Variants in BBS7 observed in about 807,000 individuals in gnomAD.
BBS7 encodes the protein BBSome complex member BBS7.
BBS7 carries 50 observed loss-of-function variants against 90.3 expected under a neutral mutation model. The observed-to-expected ratio is 0.55, with a 90% CI of 0.44 to 0.70. The LOEUF is 0.70. Among genes scored for constraint, BBS7 ranks in the 30% least tolerant of loss-of-function variants. The pLI is 0.00. For missense variants in BBS7, 729 were observed against 838.9 expected, an observed-to-expected ratio of 0.87 and a Z score of 1.62; for synonymous variants, 235 against 287.4, an observed-to-expected ratio of 0.82 and a Z score of 1.85.
chr4:121,858,338 A>T (rs1200389548), intron 5 of BBS7, among the ~76,000 whole-genome samples: 2 of 150,836 alleles, frequency 1.3e-5, no homozygotes, highest in African/African-American at 4.9e-5. Context: ...CATGCTATTT[A>T]CCTTTAAACA....
intron 11 of BBS7, among the ~76,000 whole-genome samples, 174 bp downstream of exon 11, chr4:121,845,330 T>C (rs780870068): frequency 2.0e-5 from 3 of 151,736 alleles, no homozygotes; most frequent in Non-Finnish European, 2.9e-5. Context: ...ATCGCACCAC[T>C]GCACTCCAGT....
intron 12 of BBS7, among the ~76,000 whole-genome samples, chr4:121,840,800 C>T (rs1444171085): frequency 6.6e-6 from 1 of 151,232 alleles, no homozygotes. Context: ...ATCATTTAAA[C>T]TCAACAGAGA....
At position 121,839,650 on chromosome 4, in the gene BBS7, G is replaced by A. The variant is rs1363452321; in HGVS notation, c.1352C>T (p.Thr451Ile). 6.2e-7 allele frequency: 1 copy of A among 1,613,666 alleles called. No individual in the cohort carries two copies. Among genetic ancestry groups the A allele is most frequent in the Admixed American group, 1.7e-5 (1 of 60,002 alleles). The part of the protein sequence containing the change: ...LLATYRCQAD[T>I]TRLELKIRSI... ...TTTTACCTTGAGTTCCAGCCTTGTAGTATCTGCCTGGCACCGATAAGTGGC... is the reference window on the plus strand; with the variant it reads ...TTTTACCTTGAGTTCCAGCCTTGTAATATCTGCCTGGCACCGATAAGTGGC... Residue 451 changes from threonine (T) to isoleucine (I), a missense_variant, in exon 13 of 19, where the codon ACT becomes ATT. Physicochemically the swap from Thr to Ile is moderately conservative, Grantham distance 89. Transcript: ENST00000264499.
chr4:121,855,368 T>C, intron 6 of BBS7, 121 bp downstream of exon 6: 2 of 933,832 alleles, frequency 2.1e-6, no homozygotes, highest in Non-Finnish European at 3.5e-6. Context: ...TGCTGTTAGT[T>C]ACTGGCAAGT....
intron 11 of BBS7, among the ~76,000 whole-genome samples, chr4:121,844,616 T>C (rs1233775840): frequency 6.6e-6 from 1 of 152,200 alleles, no homozygotes; most frequent in Non-Finnish European, 1.5e-5. Flanking sequence ...CATTTTGTGA[T>C]TGGTTTACTA....
chr4:121,868,780 T>C (rs1364613032), intron 1 of BBS7, among the ~76,000 whole-genome samples: 1 of 148,996 alleles, frequency 6.7e-6, no homozygotes, highest in African/African-American at 2.5e-5. Flanking sequence ...CAGGTGAAGA[T>C]TATTTTACAA....
In BBS7 at chr4:121,861,662, T is replaced by G. The variant is rs1726986364; in HGVS notation, c.183A>C (p.Leu61Phe). 1 of 1,613,704 alleles carries G rather than the reference T, an allele frequency of 6.2e-7. No individual in the cohort carries two copies. Among genetic ancestry groups the G allele is most frequent in the Non-Finnish European group, 8.5e-7 (1 of 1,179,762 alleles). ...CCAGCCTTGCAATCTTCGGCCCGGG[T>G]AAAGTCTTGAACACTGCCTGAAAAA... ...KGEAAAVFKTLPGPKIARLEL... is the reference protein window; with the variant it reads ...KGEAAAVFKTFPGPKIARLEL... The change falls in exon 4 of 19, where the codon TTA (leucine) becomes TTC (phenylalanine). Residue 61 changes from leucine to phenylalanine, a missense_variant. Physicochemically the swap from Leu to Phe is conservative, Grantham distance 22 (BLOSUM62 0). Coordinates refer to ENST00000264499, the MANE Select transcript of BBS7 (RefSeq NM_176824.3).
intron 2 of BBS7, among the ~76,000 whole-genome samples, chr4:121,866,795 T>G (rs1285124716): frequency 1.3e-5 from 2 of 152,226 alleles, no homozygotes; most frequent in African/African-American, 4.8e-5. Flanking sequence ...TGTGTCTCTG[T>G]GTTTTTATGC....
At position 121,825,650 on chromosome 4, in the gene BBS7, T is replaced by A. The variant is rs1406280986; in HGVS notation, c.*210A>T. 1.1e-5 allele frequency: 5 copies of A among 459,836 alleles called. No individual in the cohort carries two copies. Among genetic ancestry groups the A allele is most frequent in the Non-Finnish European group, 1.9e-5 (5 of 268,490 alleles). The allele number at this position is 459,836 out of a possible 1,614,324, so 28.5% of individuals were successfully genotyped here. A position where few individuals can be genotyped will look rare whatever the true frequency, so the allele number is the denominator to read the frequency against. On this transcript the variant is annotated 3_prime_UTR_variant, in exon 19 of 19. Transcript: ENST00000264499. ...TCCTATTTAAATCATTCTACTTGTG[T>A]TTTAAAAATAAAAAGACTCTTTTAG...
At chr4:121,845,728 A>AT (rs1560652035) in intron 10 of BBS7, 32 bp from the exon 11 acceptor site, 1 of 1,567,346 alleles carries the variant, frequency 6.4e-7, no homozygotes, top group Non-Finnish European at 8.8e-7. Context: ...TTTGTCAAAT[A>AT]TAAGTATAAA....
Position 121,843,986 on chromosome 4 carries a change from C to T in BBS7, c.1246G>A (p.Asp416Asn). 1 of 1,596,446 alleles carries T rather than the reference C, an allele frequency of 6.3e-7. No individual in the cohort carries two copies. Among genetic ancestry groups the T allele is most frequent in the Non-Finnish European group, 8.6e-7 (1 of 1,167,864 alleles). ...GAATTTTTATCCACATCAAGTAAAT[C>T]TATTGGAACATCACTCTATAGTCAA... Reference protein sequence around the residue: ...NVLIQSDVPIDLLDVDKNSAV... With the variant: ...NVLIQSDVPINLLDVDKNSAV... Residue 416 changes from aspartate (D) to asparagine (N), a missense_variant, in exon 12 of 19, where the codon GAT becomes AAT. Transcript: ENST00000264499.
chr4:121,843,392 G>A (rs1052144788), intron 12 of BBS7, among the ~76,000 whole-genome samples: 2 of 152,132 alleles, frequency 1.3e-5, no homozygotes, highest in African/African-American at 4.8e-5. Context: ...GACATGATAA[G>A]GGCCTGGACT....
rs1725285743 is a variant in BBS7, at chr4:121,833,303, G to A, written c.1604C>T (p.Pro535Leu). The A allele has an allele frequency of 6.2e-7, 1 of 1,613,920 alleles. No individual in the cohort carries two copies. Among genetic ancestry groups the A allele is most frequent in the Non-Finnish European group, 8.5e-7 (1 of 1,179,918 alleles). Reference protein sequence around the residue: ...VFCLPEVPEKPPAGECVTFYF... With the variant: ...VFCLPEVPEKLPAGECVTFYF... ...AAATGTCACACATTCTCCTGCTGGAGGTTTTTCTGGAACTTCAGGCAGACA... is the reference window on the plus strand; with the variant it reads ...AAATGTCACACATTCTCCTGCTGGAAGTTTTTCTGGAACTTCAGGCAGACA... The change falls in exon 15 of 19, where the codon CCT becomes CTT. Residue 535 changes from proline to leucine, a missense_variant. By Grantham distance (98) the Pro-to-Leu change is moderately conservative (BLOSUM62 -3). Coordinates refer to ENST00000264499, the MANE Select transcript of BBS7 (RefSeq NM_176824.3).
At position 121,870,445 on chromosome 4, in the gene BBS7, G is replaced by A; in HGVS notation, c.-132C>T. The stretch of plus-strand genomic sequence containing the variant: ...AAGCCAGCCCCAGCTACCGCGCCTA[G>A]GTCCTGGGCTGCACAGGCGGGGCGA... On this transcript the variant is annotated 5_prime_UTR_variant, in exon 1 of 19. Transcript: ENST00000264499. 9.7e-7 allele frequency: 1 copy of A among 1,027,856 alleles called. No individual in the cohort carries two copies. Among genetic ancestry groups the A allele is most frequent in the South Asian group, 1.3e-5 (1 of 74,480 alleles). 63.7% of individuals were successfully genotyped at this position (1,027,856 alleles called of 1,614,324 possible). A position where few individuals can be genotyped will look rare whatever the true frequency, so the allele number is the denominator to read the frequency against.
At chr4:121,853,158 T>C in intron 7 of BBS7, 72 bp from the exon 8 acceptor site, 1 of 1,527,672 alleles carries the variant, frequency 6.5e-7, no homozygotes, top group Non-Finnish European at 9.0e-7. Flanking sequence ...CAAGTAAGAA[T>C]GAAAAAAACA....
Position 121,870,399 on chromosome 4 carries a change from A to G in BBS7, c.-86T>C. ...GCCCGCAGGCCTCCGACCCAGTCAG[A>G]AGGCTGCCCGCGCCCCTCAAAAGCC... On this transcript the variant is annotated 5_prime_UTR_variant, in exon 1 of 19. Transcript: ENST00000264499. The G allele has an allele frequency of 6.6e-7, 1 of 1,518,814 alleles. No homozygotes were observed. The highest frequency in any genetic ancestry group is 9.1e-7 in the Non-Finnish European group (1 of 1,097,856). 94.1% of individuals were successfully genotyped at this position (1,518,814 alleles called of 1,614,324 possible).
chr4:121,854,978 G>A (rs898313715), intron 6 of BBS7, among the ~76,000 whole-genome samples, 158 bp from the exon 7 acceptor site: 9 of 152,070 alleles, frequency 5.9e-5, no homozygotes, highest in African/African-American at 2.2e-4. Context: ...CAATTTTATA[G>A]CTATAAGAGA....
intron 6 of BBS7, among the ~76,000 whole-genome samples, chr4:121,855,078 T>C (rs372656124): frequency 6.6e-6 from 1 of 152,190 alleles, no homozygotes; most frequent in Non-Finnish European, 1.5e-5. Flanking sequence ...TTTGGGAGAC[T>C]GAGGTGAGAG....
At chr4:121,839,728 G>A (rs935507892) in intron 12 of BBS7, 32 bp from the exon 13 acceptor site, 2 of 1,575,748 alleles carry the variant, frequency 1.3e-6, no homozygotes, top group African/African-American at 2.7e-5. Flanking sequence ...GGAAAAGAAT[G>A]AATCCATGTT....
Sources: allele counts gnomAD v4.1 joint callset (sites outside exome capture counted in the v4.1 genomes callset), GRCh38; gene constraint gnomAD v4.1.1; transcripts MANE v1.5; gene names NCBI Gene and HGNC (gene_info 2026-07-23, HGNC 2026-07-21).